Variants in ABCC6 observed in about 807,000 individuals in gnomAD.
ABCC6 encodes ATP binding cassette subfamily C member 6.
A neutral mutation model predicts 169.5 loss-of-function variants in ABCC6; 126 were observed. The ratio of observed to expected loss-of-function variants is 0.74; its 90% CI spans 0.64 to 0.86. The LOEUF (loss-of-function observed/expected upper bound fraction) is 0.86. Among genes scored for constraint, ABCC6 ranks in the 40% least tolerant of loss-of-function variants. ABCC6 has a pLI of 0.00. For synonymous variants in ABCC6, 752 were observed against 814.7 expected, an observed-to-expected ratio of 0.92 and a Z score of 1.31; for missense variants, 1,733 against 1,927.2, an observed-to-expected ratio of 0.90 and a Z score of 1.89.
Position 16,154,949 on chromosome 16 carries a change from C to T in ABCC6, c.3965G>A (p.Gly1322Glu), listed in dbSNP as rs1336288500. 1 of 1,592,110 alleles carries T rather than the reference C, an allele frequency of 6.3e-7. No individual in the cohort carries two copies. The highest frequency in any genetic ancestry group is 1.8e-5 in the Admixed American group (1 of 56,994). The change falls in exon 28 of 31, where the codon GGG becomes GAG. Residue 1322 changes from glycine to glutamate, a missense_variant. Coordinates refer to ENST00000205557, the MANE Select transcript of ABCC6 (RefSeq NM_001171.6). The stretch of plus-strand genomic sequence containing the variant: ...AATGGGGACCCCGTCGATCCAGATC[C>T]CACCCTCAGCTGCCTCCTGGAGCCG... ...LLRLQEAAEG[G>E]IWIDGVPIAH... is the part of the protein sequence containing the mutation.
rs72657691 is a variant in ABCC6 at position 16,169,750 on chromosome 16, C to T, written c.2891G>A (p.Arg964Gln). Residue 964 changes from arginine (R) to glutamine (Q), a missense_variant, in exon 22 of 31, where the codon CGG becomes CAG. This residue lies in a region of ABCC6 where 1,601 missense variants were observed against 1,635.5 expected (regional missense o/e 0.98). Transcript: ENST00000205557. ...CGCCCACAGGCTCAGCCAGTAGCCC[C>T]GGCAGAAGGAGGCCACTTGCTGGCA... ...FLCQQVASFC[R>Q]GYWLSLWADD... The T allele has an allele frequency of 6.9e-6, 11 of 1,605,088 alleles. No individual in the cohort carries two copies. Among genetic ancestry groups the T allele is most frequent in the Middle Eastern group, 1.7e-4 (1 of 5,874 alleles).
chr16:16,182,377 G>A, intron 17 of ABCC6, 35 bp downstream of exon 17: 1 of 1,612,370 alleles, frequency 6.2e-7, no homozygotes, highest in South Asian at 1.1e-5. Flanking sequence ...CAACTGCAAT[G>A]TCTCCCTGTC....
chr16:16,182,806 CGAT>C lies in ABCC6; in HGVS notation c.2065_2067del (p.Ile689del). ...AGACAGGCTGGGGGTGGCCTCACCT[CGAT>C]GCTCACGAACCCCTCCACCTTTGAC... On this transcript the variant is annotated inframe_deletion, in exon 16 of 31. Coordinates refer to ENST00000205557, the MANE Select transcript of ABCC6 (RefSeq NM_001171.6). 1.2e-6 allele frequency: 2 copies of C among 1,613,884 alleles called. No homozygotes were observed. The highest frequency in any genetic ancestry group is 1.7e-6 in the Non-Finnish European group (2 of 1,179,950).
At chr16:16,167,046 T>C (rs2046901110) in intron 22 of ABCC6, among the ~76,000 whole-genome samples, 1 of 152,246 alleles carries the variant, frequency 6.6e-6, no homozygotes, top group Non-Finnish European at 1.5e-5. Context: ...GCAACTTGTT[T>C]GGCAGTAGCC....
rs115364698 is a variant in ABCC6, at chr16:16,163,124, G to A, written c.3375C>T (p.Ser1125=). The A allele has an allele frequency of 1.5e-5, 24 of 1,613,826 alleles. No homozygotes were observed. The African/African-American group carries it at 2.9e-4, about 20-fold the overall frequency. Residue 1125 remains serine, a synonymous_variant, in exon 24 of 31, where the codon TCC becomes TCT. Coordinates refer to ENST00000205557, the MANE Select transcript of ABCC6 (RefSeq NM_001171.6). ...LESASYSSVC[S]HMAETFQGST... is the part of the protein sequence containing the mutation. ...TGCCCTGGAACGTCTCAGCCATGTG[G>A]GAGCAGACAGACGAGTAGCTGGCTG...
chr16:16,166,819 A>C (rs1337504621), intron 22 of ABCC6, among the ~76,000 whole-genome samples: 1 of 152,186 alleles, frequency 6.6e-6, no homozygotes, highest in Admixed American at 6.5e-5. Context: ...GGAACCCAGG[A>C]GGCAGAGGTT....
At chr16:16,192,434 G>A (rs1171846079) in intron 11 of ABCC6, among the ~76,000 whole-genome samples, 1 of 152,186 alleles carries the variant, frequency 6.6e-6, no homozygotes, top group East Asian at 1.9e-4. Flanking sequence ...GGAGTGGAGA[G>A]AGGCTGAGGG....
Position 16,175,957 on chromosome 16 carries a change from G to A in ABCC6, c.2620C>T (p.Pro874Ser), listed in dbSNP as rs758275685. ...ETEPGTSTKD[P>S]RGTSAGRRPE... Reference sequence around the variant, plus strand: ...CTCCTGCCTGCAGAGGTGCCTCTGGGGTCCTTGGTGCTGGTCCCAGGTTCT... The same window carrying A: ...CTCCTGCCTGCAGAGGTGCCTCTGGAGTCCTTGGTGCTGGTCCCAGGTTCT... Residue 874 changes from proline to serine, a missense_variant, in exon 20 of 31, where the codon CCC (proline) becomes TCC (serine). By Grantham distance (74) the Pro-to-Ser change is moderately conservative (BLOSUM62 -1). This residue lies in a region of ABCC6 where 1,601 missense variants were observed against 1,635.5 expected (regional missense o/e 0.98). Transcript: ENST00000205557. 1.2e-6 allele frequency: 2 copies of A among 1,614,116 alleles called. No individual in the cohort carries two copies. Among genetic ancestry groups the A allele is most frequent in the Non-Finnish European group, 1.7e-6 (2 of 1,180,032 alleles).
intron 4 of ABCC6, among the ~76,000 whole-genome samples, chr16:16,218,060 G>A (rs1272551835): frequency 6.6e-6 from 1 of 152,194 alleles, no homozygotes; most frequent in African/African-American, 2.4e-5. Context: ...CTGCACTCCA[G>A]CCTGGGCAAT....
chr16:16,162,595 T>C (rs572225795), intron 24 of ABCC6, among the ~76,000 whole-genome samples: 1 of 152,210 alleles, frequency 6.6e-6, no homozygotes, highest in South Asian at 2.1e-4. Context: ...CTCAGAGAGG[T>C]TATGTAACTT....
intron 10 of ABCC6, among the ~76,000 whole-genome samples, chr16:16,196,248 C>A (rs549092730): frequency 1.3e-5 from 2 of 151,042 alleles, no homozygotes; most frequent in Admixed American, 6.6e-5. Context: ...TATTTCACGA[C>A]ATATGAAAAT....
At chr16:16,215,148 T>A (rs1043073564) in intron 4 of ABCC6, among the ~76,000 whole-genome samples, 3 of 152,192 alleles carry the variant, frequency 2.0e-5, no homozygotes, top group Non-Finnish European at 2.9e-5. Flanking sequence ...TTTGCAGAGA[T>A]GAGAGCTGGT....
chr16:16,197,710 G>A (rs1264337951), intron 10 of ABCC6, among the ~76,000 whole-genome samples: 3 of 124,054 alleles, frequency 2.4e-5, no homozygotes, highest in African/African-American at 3.1e-5. Flanking sequence ...AGGGAGGGGT[G>A]CAAGAGGAGG....
At position 16,157,815 on chromosome 16, in the gene ABCC6, G is replaced by T. The variant is rs760560012; in HGVS notation, c.3736-6C>A. On this transcript the variant is annotated splice_polypyrimidine_tract_variant and splice_region_variant and intron_variant, in intron 26 of 30. Coordinates refer to ENST00000205557, the MANE Select transcript of ABCC6 (RefSeq NM_001171.6). ...GTGGGCAGCCTCCAGGGAGCCTGGA[G>T]CAGGAGGGGAAACTGAGTCAGAGGA... 2.9e-5 allele frequency: 46 copies of T among 1,608,718 alleles called. No individual in the cohort carries two copies. The highest frequency in any genetic ancestry group is 3.8e-5 in the Non-Finnish European group (45 of 1,179,186).
At chr16:16,203,906 C>T (rs2048319461) in intron 7 of ABCC6, among the ~76,000 whole-genome samples, 1 of 152,138 alleles carries the variant, frequency 6.6e-6, no homozygotes, top group African/African-American at 2.4e-5. Context: ...CTAAGACCCC[C>T]TGAGAAGCCA....
chr16:16,182,732 G>C, intron 16 of ABCC6, 72 bp downstream of exon 16: 2 of 1,608,488 alleles, frequency 1.2e-6, no homozygotes, highest in Non-Finnish European at 1.7e-6. Context: ...GATGGGGAGG[G>C]TGGGAAGGCA....
intron 7 of ABCC6, among the ~76,000 whole-genome samples, chr16:16,204,267 G>T (rs1323116790): frequency 6.6e-6 from 1 of 152,136 alleles, no homozygotes; most frequent in Admixed American, 6.5e-5. Context: ...TGTTGGCCAG[G>T]TTGGTTTTGA....
chr16:16,152,148 G>A (rs943606747), intron 29 of ABCC6, among the ~76,000 whole-genome samples: 9 of 134,162 alleles, frequency 6.7e-5, no homozygotes, highest in Admixed American at 3.4e-4. Flanking sequence ...AGCCAAGATC[G>A]CGCCACTGCA....
intron 15 of ABCC6, among the ~76,000 whole-genome samples, chr16:16,183,519 C>A (rs1347949115): frequency 1.3e-5 from 2 of 152,216 alleles, no homozygotes; most frequent in Non-Finnish European, 2.9e-5. Flanking sequence ...CCATTTCACT[C>A]AGGGTCAAAG....
Sources: gnomAD v4.1 joint callset for allele counts (sites outside exome capture counted in the v4.1 genomes callset) on GRCh38, gnomAD v4.1.1 for gene constraint, gnomAD v4.1.1 regional missense constraint, MANE v1.5 for transcripts, NCBI Gene and HGNC (gene_info 2026-07-23, HGNC 2026-07-21) for gene names.